The following TOX variants were observed in gnomAD, a reference collection of about 807,000 sequenced individuals.
TOX encodes the protein thymocyte selection-associated high mobility group box protein TOX.
TOX carries 11 observed loss-of-function variants against 53.7 expected under a neutral mutation model. That is an observed-to-expected ratio of 0.20 (90% CI 0.13 to 0.34). TOX has a LOEUF of 0.34. TOX is among the 10% of genes least tolerant of loss of function. The pLI, the probability that TOX is intolerant of heterozygous loss-of-function variation, is 1.00. For synonymous variants in TOX, 225 were observed against 245.3 expected (o/e 0.92, Z 0.77); for missense variants, 570 against 664.6 (o/e 0.86, Z 1.56).
chr8:58,838,399 C>A, intron 4 of TOX, 88 bp from the exon 5 acceptor site: 1 of 992,026 alleles, frequency 1.0e-6, no homozygotes, highest in South Asian at 1.5e-5. Context: ...GACTTAGACA[C>A]ATACCCATTC....
chr8:59,066,764 G>A (rs765001425), intron 1 of TOX, among the ~76,000 whole-genome samples: 5 of 152,296 alleles, frequency 3.3e-5, no homozygotes, highest in African/African-American at 1.2e-4. Flanking sequence ...AGAAGTGAAC[G>A]AAAGTTCTCC....
intron 1 of TOX, among the ~76,000 whole-genome samples, chr8:59,031,532 A>G (rs1321512735): frequency 6.6e-6 from 1 of 152,232 alleles, no homozygotes; most frequent in Non-Finnish European, 1.5e-5. Flanking sequence ...CAAGGAGCTT[A>G]AATTCTAGTG....
At chr8:59,043,133 T>A (rs1803622354) in intron 1 of TOX, among the ~76,000 whole-genome samples, 1 of 152,054 alleles carries the variant, frequency 6.6e-6, no homozygotes, top group African/African-American at 2.4e-5. Context: ...TTCTACTCTA[T>A]CTTAAAGTAT....
chr8:58,825,312 A>C (rs908770445), intron 6 of TOX, among the ~76,000 whole-genome samples: 9 of 152,240 alleles, frequency 5.9e-5, no homozygotes, highest in African/African-American at 1.9e-4. Flanking sequence ...GCCAAAGAGA[A>C]GAAAAATGTC....
At chr8:58,912,058 A>C (rs1811918731) in intron 3 of TOX, among the ~76,000 whole-genome samples, 1 of 152,324 alleles carries the variant, frequency 6.6e-6, no homozygotes, top group African/African-American at 2.4e-5. Flanking sequence ...CTAAAATGAA[A>C]ATGGAGTTTT....
At chr8:58,981,374 CTCTT>C (rs953792571) in intron 1 of TOX, among the ~76,000 whole-genome samples, 1 of 152,154 alleles carries the variant, frequency 6.6e-6, no homozygotes, top group African/African-American at 2.4e-5. Context: ...TTCTACAAGC[CTCTT>C]TATTTTGACA....
intron 3 of TOX, among the ~76,000 whole-genome samples, chr8:58,863,057 CA>C (rs1214543851): frequency 6.6e-6 from 1 of 151,800 alleles, no homozygotes; most frequent in Non-Finnish European, 1.5e-5. Flanking sequence ...TAACACCTAC[CA>C]AATATACATT....
intron 3 of TOX, among the ~76,000 whole-genome samples, chr8:58,923,051 G>C (rs1447194336): frequency 6.6e-6 from 1 of 152,180 alleles, no homozygotes; most frequent in East Asian, 1.9e-4. Flanking sequence ...ATTGAGGTCA[G>C]GGATCTTGGC....
chr8:58,999,627 C>T (rs917887437), intron 1 of TOX, among the ~76,000 whole-genome samples: 1 of 152,072 alleles, frequency 6.6e-6, no homozygotes, highest in Non-Finnish European at 1.5e-5. Flanking sequence ...GATGCTGGTA[C>T]AGAAGACAGA....
At chr8:58,956,870 C>T (rs7820888) in intron 2 of TOX, among the ~76,000 whole-genome samples, 92,355 of 151,776 alleles carry the variant, frequency 0.61, 29,860 homozygotes, top group Non-Finnish European at 0.71. Flanking sequence ...GCCTCAGCCT[C>T]CCAAAGTGCT....
chr8:58,963,314 TATAGATAGATAG>T (rs1554533755), intron 1 of TOX, among the ~76,000 whole-genome samples: 1 of 130,648 alleles, frequency 7.7e-6, no homozygotes, highest in Non-Finnish European at 1.8e-5. Context: ...TAGATATATA[TATAGATAGATAG>T]ATAGATAGAT....
chr8:58,837,772 T>C (rs1210714630), intron 5 of TOX, among the ~76,000 whole-genome samples: 2 of 152,216 alleles, frequency 1.3e-5, no homozygotes, highest in Non-Finnish European at 2.9e-5. Flanking sequence ...AGGACTTTTT[T>C]TTCAGTCTTT....
At chr8:58,994,756 C>T (rs1813527038) in intron 1 of TOX, among the ~76,000 whole-genome samples, 1 of 152,184 alleles carries the variant, frequency 6.6e-6, no homozygotes, top group African/African-American at 2.4e-5. Flanking sequence ...CCCCACTTCA[C>T]CTGACTCCCA....
intron 1 of TOX, among the ~76,000 whole-genome samples, chr8:59,068,512 T>TA (rs1273476309): frequency 2.6e-5 from 4 of 151,596 alleles, no homozygotes; most frequent in Non-Finnish European, 4.4e-5. Flanking sequence ...CGGAAAAAAG[T>TA]AAAAAAAGAG....
At chr8:58,828,738 T>C (rs1197681126) in intron 5 of TOX, among the ~76,000 whole-genome samples, 1 of 152,172 alleles carries the variant, frequency 6.6e-6, no homozygotes, top group Non-Finnish European at 1.5e-5. Context: ...GACAGATTTC[T>C]GTTTATAGTT....
At chr8:58,966,285 A>G (rs992048732) in intron 1 of TOX, among the ~76,000 whole-genome samples, 3 of 152,214 alleles carry the variant, frequency 2.0e-5, no homozygotes, top group Admixed American at 2.0e-4. Context: ...AGTGGATCAC[A>G]CTGAAAGGAA....
intron 1 of TOX, among the ~76,000 whole-genome samples, chr8:59,054,192 C>T (rs796240678): frequency 7.2e-5 from 11 of 152,130 alleles, no homozygotes; most frequent in South Asian, 6.2e-4. Flanking sequence ...TAAATGCTTA[C>T]GTTATAATAT....
chr8:58,959,211 C>T lies in TOX; in HGVS notation c.168+732G>A, dbSNP rs1358020258. ...CAATGTTCTTATATTTTACGTTATA[C>T]TGGTATCCAAGGGCAGTTATAATTT... is the stretch of plus-strand genomic sequence containing the variant. On this transcript the variant is annotated intron_variant, in intron 2 of 8. Coordinates refer to ENST00000361421, the MANE Select transcript of TOX (RefSeq NM_014729.3). 2.0e-5 allele frequency among the ~76,000 whole-genome samples: 3 copies of T among 152,132 alleles called. No homozygotes were observed. In the East Asian group the frequency reaches 5.8e-4, roughly 29 times the overall value.
chr8:58,914,559 G>T (rs1430716159), intron 3 of TOX, among the ~76,000 whole-genome samples: 1 of 152,174 alleles, frequency 6.6e-6, no homozygotes, highest in Non-Finnish European at 1.5e-5. Context: ...GTGGGGGACA[G>T]AAATACTGGC....
Sources: allele counts gnomAD v4.1 joint callset (sites outside exome capture counted in the v4.1 genomes callset), GRCh38; gene constraint gnomAD v4.1.1; transcripts MANE v1.5; gene names NCBI Gene and HGNC (gene_info 2026-07-23, HGNC 2026-07-21).